The following WWOX variants were observed in gnomAD, a reference collection of about 807,000 sequenced individuals.
The protein encoded by WWOX is WW domain-containing oxidoreductase.
In WWOX, 69 loss-of-function variants were observed where a neutral mutation model predicts 46.2. That is an observed-to-expected ratio of 1.49 (90% CI 1.23 to 1.82). The LOEUF (loss-of-function observed/expected upper bound fraction) is 1.82, where lower values mean the gene tolerates loss of function less well. Ranked by LOEUF, WWOX falls within the 40% of genes most tolerant of loss-of-function variation. WWOX has a pLI of 0.00. For missense variants in WWOX, 919 were observed against 542.6 expected (o/e 1.69, Z -6.89); for synonymous variants, 359 against 202.6 (o/e 1.77, Z -6.56).
chr16:78,249,547 G>T (rs1418157517), intron 5 of WWOX, among the ~76,000 whole-genome samples: 2 of 152,174 alleles, frequency 1.3e-5, no homozygotes, highest in African/African-American at 4.8e-5. Flanking sequence ...GAGCAGCCTG[G>T]GCTGAGTTTT....
At chr16:78,743,639 C>T (rs1211976100) in intron 8 of WWOX, among the ~76,000 whole-genome samples, 2 of 152,168 alleles carry the variant, frequency 1.3e-5, no homozygotes, top group East Asian at 1.9e-4. Flanking sequence ...TTCTGAGTTG[C>T]AGATGGAAAA....
intron 8 of WWOX, among the ~76,000 whole-genome samples, chr16:79,066,756 G>A (rs1317074556): frequency 6.6e-6 from 1 of 152,246 alleles, no homozygotes; most frequent in Non-Finnish European, 1.5e-5. Flanking sequence ...GAAGGACTTT[G>A]CTCCTTGGAG....
intron 5 of WWOX, among the ~76,000 whole-genome samples, chr16:78,280,526 C>T (rs567766479): frequency 6.6e-6 from 1 of 152,156 alleles, no homozygotes; most frequent in South Asian, 2.1e-4. Flanking sequence ...TTAATTGGCT[C>T]ACAGTTTTGT....
intron 8 of WWOX, among the ~76,000 whole-genome samples, chr16:78,894,634 G>T (rs187505543): frequency 6.6e-6 from 1 of 152,112 alleles, no homozygotes; most frequent in South Asian, 2.1e-4. Flanking sequence ...GAGCAAGGTG[G>T]TACTTATACC....
rs530507379 is a variant in WWOX, at chr16:78,444,143, A to G, written c.1056+11391A>G. 2.6e-5 allele frequency among the ~76,000 whole-genome samples: 4 copies of G among 152,332 alleles called. No homozygotes were observed. In the South Asian group the frequency reaches 6.2e-4, roughly 24 times the overall value. On this transcript the variant is annotated intron_variant, in intron 8 of 8. Coordinates refer to ENST00000566780, the MANE Select transcript of WWOX (RefSeq NM_016373.4). ...CTTCTTTTTACACCAAGATAAAGAAATACTTTGCAAATCAGCTGAGCACAT... is the reference window on the plus strand; with the variant it reads ...CTTCTTTTTACACCAAGATAAAGAAGTACTTTGCAAATCAGCTGAGCACAT...
At chr16:78,450,250 G>T (rs1383280710) in intron 8 of WWOX, among the ~76,000 whole-genome samples, 1 of 152,018 alleles carries the variant, frequency 6.6e-6, no homozygotes, top group Non-Finnish European at 1.5e-5. Context: ...TTTAAACATT[G>T]CATCCTTGAG....
intron 8 of WWOX, among the ~76,000 whole-genome samples, chr16:78,728,730 T>G (rs1280947366): frequency 3.3e-5 from 5 of 152,164 alleles, no homozygotes; most frequent in Non-Finnish European, 1.5e-5. Flanking sequence ...TCACATCCTA[T>G]GATTCCAAGA....
In WWOX at chr16:78,817,708, C is replaced by T. The variant is rs1172329575; in HGVS notation, c.1056+384956C>T. ...GCAAACGGGCCCTGTCTTCGCTTGG[C>T]TTCCTCCTAAAATTCCCAGGACCTC... On this transcript the variant is annotated intron_variant, in intron 8 of 8. Coordinates refer to ENST00000566780, the MANE Select transcript of WWOX (RefSeq NM_016373.4). 2.0e-5 allele frequency among the ~76,000 whole-genome samples: 3 copies of T among 152,282 alleles called. No individual in the cohort carries two copies. The East Asian group carries it at 5.8e-4, about 30-fold the overall frequency.
At chr16:78,582,744 A>G (rs537651010) in intron 8 of WWOX, among the ~76,000 whole-genome samples, 164 of 152,292 alleles carry the variant, frequency 1.1e-3, no homozygotes, top group Middle Eastern at 0.01. Context: ...GTCTTCATCA[A>G]TTTGAGCCAA....
intron 8 of WWOX, among the ~76,000 whole-genome samples, chr16:78,991,943 C>G (rs1260645066): frequency 2.0e-5 from 3 of 152,176 alleles, no homozygotes; most frequent in Admixed American, 6.5e-5. Flanking sequence ...AAATAATTCT[C>G]AACACATATT....
At chr16:78,819,194 A>G (rs1018503905) in intron 8 of WWOX, among the ~76,000 whole-genome samples, 3 of 152,162 alleles carry the variant, frequency 2.0e-5, no homozygotes, top group Non-Finnish European at 4.4e-5. Flanking sequence ...TCAGGTTCCC[A>G]GGTGAAATGA....
intron 4 of WWOX, among the ~76,000 whole-genome samples, chr16:78,127,968 C>G (rs929471464): frequency 5.3e-5 from 8 of 152,128 alleles, no homozygotes; most frequent in African/African-American, 9.7e-5. Context: ...AGAATAATAA[C>G]TTCTCTGTCA....
chr16:78,462,461 C>T (rs1206244271), intron 8 of WWOX, among the ~76,000 whole-genome samples: 1 of 152,182 alleles, frequency 6.6e-6, no homozygotes, highest in African/African-American at 2.4e-5. Context: ...ACTGCACTCA[C>T]ACTGCTATTA....
chr16:79,079,137 C>T (rs1421940474), intron 8 of WWOX, among the ~76,000 whole-genome samples: 1 of 152,190 alleles, frequency 6.6e-6, no homozygotes, highest in Non-Finnish European at 1.5e-5. Flanking sequence ...AGTTGCAATG[C>T]TCTCTTCCAA....
At chr16:78,895,840 C>T (rs146795695) in intron 8 of WWOX, 24 of 152,226 alleles carry the variant, frequency 1.6e-4, no homozygotes, top group African/African-American at 5.5e-4. Context: ...TATATAAAGT[C>T]GAGTGCTCTC....
intron 8 of WWOX, among the ~76,000 whole-genome samples, chr16:78,934,585 C>T (rs1199507093): frequency 6.6e-6 from 1 of 151,100 alleles, no homozygotes; most frequent in Non-Finnish European, 1.5e-5. Context: ...TAGAAGCTAG[C>T]ATCTGTTTTT....
At chr16:79,022,650 G>A (rs908977675) in intron 8 of WWOX, among the ~76,000 whole-genome samples, 1 of 152,196 alleles carries the variant, frequency 6.6e-6, no homozygotes, top group Non-Finnish European at 1.5e-5. Context: ...TGGCATTCAT[G>A]TAATTGGGGG....
chr16:78,736,040 C>G (rs1246904546), intron 8 of WWOX, among the ~76,000 whole-genome samples: 2 of 152,152 alleles, frequency 1.3e-5, no homozygotes, highest in African/African-American at 2.4e-5. Flanking sequence ...GTGGTGCAGA[C>G]TAGAGATGAA....
chr16:78,881,267 G>A (rs373475921), intron 8 of WWOX, among the ~76,000 whole-genome samples: 2 of 152,286 alleles, frequency 1.3e-5, no homozygotes, highest in African/African-American at 4.8e-5. Flanking sequence ...GCCTCCCAAA[G>A]TGCTAGGGTT....
Sources: gnomAD v4.1 joint callset for allele counts (sites outside exome capture counted in the v4.1 genomes callset) on GRCh38, gnomAD v4.1.1 for gene constraint, MANE v1.5 for transcripts, NCBI Gene and HGNC (gene_info 2026-07-23, HGNC 2026-07-21) for gene names.